Variants in LRPPRC observed in about 807,000 individuals in gnomAD.
LRPPRC encodes the protein leucine-rich PPR motif-containing protein, mitochondrial.
A neutral mutation model predicts 180.3 loss-of-function variants in LRPPRC; 120 were observed. The ratio of observed to expected loss-of-function variants is 0.67; its 90% CI spans 0.57 to 0.77. LRPPRC has a LOEUF of 0.77. LRPPRC is among the 30% of genes least tolerant of loss of function. The pLI is 0.00. For missense variants in LRPPRC, 2,012 were observed against 1,657.2 expected (o/e 1.21, Z -3.72); for synonymous variants, 723 against 600.0 (o/e 1.21, Z -3.00).
intron 11 of LRPPRC, among the ~76,000 whole-genome samples, chr2:43,972,512 A>G (rs562148998): frequency 2.0e-5 from 3 of 152,356 alleles, no homozygotes; most frequent in East Asian, 3.9e-4. Flanking sequence ...ACATGCCTGA[A>G]GAGTTTGATG....
At chr2:43,893,729 T>A (rs1293452858) in intron 36 of LRPPRC, among the ~76,000 whole-genome samples, 1 of 152,182 alleles carries the variant, frequency 6.6e-6, no homozygotes, top group Non-Finnish European at 1.5e-5. Context: ...TATGCCTGTG[T>A]TTAGTTACTG....
intron 11 of LRPPRC, among the ~76,000 whole-genome samples, chr2:43,964,696 T>A (rs1436338504): frequency 6.7e-6 from 1 of 148,838 alleles, no homozygotes. Flanking sequence ...TTTAATTATG[T>A]AAAAAAAAAA....
intron 25 of LRPPRC, among the ~76,000 whole-genome samples, chr2:43,926,401 A>AT (rs928642085): frequency 2.0e-5 from 3 of 151,454 alleles, no homozygotes; most frequent in South Asian, 4.2e-4. Context: ...TTTTTAATTT[A>AT]TTTTTTTTTA....
intron 19 of LRPPRC, 69 bp downstream of exon 19, chr2:43,947,662 T>C: frequency 1.0e-6 from 1 of 953,152 alleles, no homozygotes; most frequent in Non-Finnish European, 1.7e-6. Context: ...GTTTTATAAG[T>C]ACACAATCCA....
intron 36 of LRPPRC, among the ~76,000 whole-genome samples, chr2:43,891,243 T>G (rs1365698202): frequency 6.6e-6 from 1 of 152,252 alleles, no homozygotes; most frequent in Non-Finnish European, 1.5e-5. Flanking sequence ...CTTCTTGATT[T>G]TCTACCTTCC....
intron 23 of LRPPRC, among the ~76,000 whole-genome samples, chr2:43,937,245 A>G (rs931265989): frequency 2.6e-5 from 4 of 152,218 alleles, no homozygotes; most frequent in African/African-American, 9.6e-5. Flanking sequence ...AATAATTCAT[A>G]TATTTGTCAG....
intron 7 of LRPPRC, 53 bp downstream of exon 7, chr2:43,975,038 C>G: frequency 6.3e-7 from 1 of 1,581,340 alleles, no homozygotes; most frequent in Non-Finnish European, 8.6e-7. Context: ...TAAAACATAA[C>G]ACAAATTTTT....
At chr2:43,952,775 G>C (rs1340506210) in intron 14 of LRPPRC, among the ~76,000 whole-genome samples, 1 of 152,164 alleles carries the variant, frequency 6.6e-6, no homozygotes, top group Admixed American at 6.5e-5. Flanking sequence ...CCTTCAACTG[G>C]AAATTCCACA....
At chr2:43,948,763 A>C (rs1254782925) in intron 16 of LRPPRC, among the ~76,000 whole-genome samples, 2 of 152,100 alleles carry the variant, frequency 1.3e-5, no homozygotes, top group African/African-American at 4.8e-5. Flanking sequence ...ATCTTACTTC[A>C]ATCTATTTTT....
intron 1 of LRPPRC, among the ~76,000 whole-genome samples, chr2:43,991,427 C>T (rs1169756206): frequency 6.6e-6 from 1 of 152,154 alleles, no homozygotes; most frequent in Admixed American, 6.5e-5. Flanking sequence ...ATCACACCAT[C>T]CCATCAAAGA....
At chr2:43,941,467 T>C (rs1472805117) in intron 23 of LRPPRC, among the ~76,000 whole-genome samples, 2 of 152,176 alleles carry the variant, frequency 1.3e-5, no homozygotes, top group African/African-American at 4.8e-5. Flanking sequence ...ATTTGCCAGA[T>C]GAGCTCATAC....
intron 37 of LRPPRC, among the ~76,000 whole-genome samples, chr2:43,888,909 T>C (rs977307043): frequency 6.6e-6 from 1 of 152,150 alleles, no homozygotes; most frequent in African/African-American, 2.4e-5. Flanking sequence ...AGCATGTGTG[T>C]GTGCACATAT....
chr2:43,928,542 C>T (rs977110004), intron 25 of LRPPRC, among the ~76,000 whole-genome samples: 2 of 151,982 alleles, frequency 1.3e-5, no homozygotes, highest in African/African-American at 4.8e-5. Flanking sequence ...CCCTAGTTAA[C>T]ATAGTAGGAG....
chr2:43,890,924 G>GT (rs534243420), intron 36 of LRPPRC, among the ~76,000 whole-genome samples: 113 of 152,162 alleles, frequency 7.4e-4, no homozygotes, highest in Non-Finnish European at 1.5e-3. Flanking sequence ...GCATTAGATT[G>GT]TTAGCATCTA....
chr2:43,956,868 C>T (rs1053245706), intron 14 of LRPPRC, among the ~76,000 whole-genome samples: 3 of 152,008 alleles, frequency 2.0e-5, no homozygotes, highest in East Asian at 1.9e-4. Flanking sequence ...GCAGCCTGGG[C>T]GACAGAGCAA....
chr2:43,947,201 A>G lies in LRPPRC; in HGVS notation c.2079+56T>C, dbSNP rs897253329. On this transcript the variant is annotated intron_variant, in intron 20 of 37. Coordinates refer to ENST00000260665, the MANE Select transcript of LRPPRC (RefSeq NM_133259.4). ...ATAAATATTATATTTGGTTTTTCTT[A>G]TTGTTACCAAGAATTTTTTGCCTTA... 19 of 787,196 alleles carry G rather than the reference A, an allele frequency of 2.4e-5. No individual in the cohort carries two copies. In the African/African-American group the frequency reaches 3.2e-4, roughly 13 times the overall value. The allele number at this position is 787,196 out of a possible 1,614,324, so 48.8% of individuals were successfully genotyped here. A position where few individuals can be genotyped will look rare whatever the true frequency, so the allele number is the denominator to read the frequency against.
rs1164437254 is a variant in LRPPRC at position 43,973,903 on chromosome 2, G to A, written c.1156-3C>T. On this transcript the variant is annotated splice_region_variant and splice_polypyrimidine_tract_variant and intron_variant, in intron 9 of 37. Coordinates refer to ENST00000260665, the MANE Select transcript of LRPPRC (RefSeq NM_133259.4). ...TAGTCTGTTAGCTTCTCCACAGGCTGTGGGAAAAAAGTCACCACATTAGCT... is the reference window on the plus strand; with the variant it reads ...TAGTCTGTTAGCTTCTCCACAGGCTATGGGAAAAAAGTCACCACATTAGCT... 6.3e-7 allele frequency: 1 copy of A among 1,576,518 alleles called. No homozygotes were observed. Among genetic ancestry groups the A allele is most frequent in the Non-Finnish European group, 8.7e-7 (1 of 1,146,040 alleles).
At chr2:43,988,688 G>A (rs1031904565) in intron 1 of LRPPRC, among the ~76,000 whole-genome samples, 6 of 152,026 alleles carry the variant, frequency 3.9e-5, no homozygotes, top group Admixed American at 6.6e-5. Flanking sequence ...ACAGGCACCC[G>A]CCACCACGCC....
In LRPPRC at chr2:43,925,875, T is replaced by C. The variant is rs777390291; in HGVS notation, c.2805+18A>G. The C allele has an allele frequency of 8.8e-6, 14 of 1,582,522 alleles. No homozygotes were observed. The highest frequency in any genetic ancestry group is 4.0e-5 in the African/African-American group (3 of 74,244). ...CTCACACTTTTAGGTGATTGAGACATCTGAATCAAATACAAACCTGATTAT... is the reference window on the plus strand; with the variant it reads ...CTCACACTTTTAGGTGATTGAGACACCTGAATCAAATACAAACCTGATTAT... On this transcript the variant is annotated intron_variant, in intron 26 of 37. Transcript: ENST00000260665.
Sources: allele counts gnomAD v4.1 joint callset (sites outside exome capture counted in the v4.1 genomes callset), GRCh38; gene constraint gnomAD v4.1.1; transcripts MANE v1.5; gene names NCBI Gene and HGNC (gene_info 2026-07-23, HGNC 2026-07-21).